Variants in TNPO3 observed in about 807,000 individuals in gnomAD.
TNPO3 encodes the protein transportin-3.
A neutral mutation model predicts 122.8 loss-of-function variants in TNPO3; 65 were observed. The observed-to-expected ratio is 0.53, with a 90% CI of 0.43 to 0.65. TNPO3 has a LOEUF of 0.65. TNPO3 is among the 30% of genes least tolerant of loss of function. The probability of loss-of-function intolerance (pLI) is 0.00; values close to 1 mark genes in which losing one functional copy is unlikely to be tolerated. For synonymous variants in TNPO3, 372 were observed against 411.2 expected (o/e 0.90, Z 1.15); for missense variants, 850 against 1,136.7 (o/e 0.75, Z 3.63).
intron 3 of TNPO3, among the ~76,000 whole-genome samples, chr7:129,016,455 G>A (rs1803872673): frequency 6.6e-6 from 1 of 152,152 alleles, no homozygotes; most frequent in South Asian, 2.1e-4. Flanking sequence ...CACTATATTG[G>A]AGGTAAAAAG....
At position 129,035,275 on chromosome 7, in the gene TNPO3, AAAC is replaced by A. The variant is rs1389393721; in HGVS notation, c.121-17121_121-17119del. On this transcript the variant is annotated intron_variant, in intron 1 of 22. Transcript: ENST00000265388. The stretch of plus-strand genomic sequence containing the variant: ...GGCGAAAGAGCGAGACTCCGTCTCA[AAAC>A]AACAACAACATATCAAGCATCTATC... Among the ~76,000 whole-genome samples the A allele has an allele frequency of 3.3e-5, 5 of 152,172 alleles. No homozygotes were observed. In the East Asian group the frequency reaches 7.7e-4, roughly 23 times the overall value.
At chr7:129,054,618 TGCG>T (rs750085936) in intron 1 of TNPO3, 30 bp downstream of exon 1, 435 of 1,611,164 alleles carry the variant, frequency 2.7e-4, no homozygotes, top group Non-Finnish European at 3.5e-4. Context: ...GCCCCGGCCG[TGCG>T]GCACAGAACT....
chr7:128,966,957 T>C (rs1797982183), intron 21 of TNPO3, among the ~76,000 whole-genome samples: 1 of 152,194 alleles, frequency 6.6e-6, no homozygotes, highest in Admixed American at 6.5e-5. Context: ...CCCCCGAATG[T>C]GGATGAAAAC....
intron 1 of TNPO3, among the ~76,000 whole-genome samples, chr7:129,025,050 C>T (rs565962409): frequency 6.6e-6 from 1 of 150,976 alleles, no homozygotes; most frequent in Non-Finnish European, 1.5e-5. Flanking sequence ...ACTCAAAATA[C>T]ATTATATAAA....
chr7:128,963,380 T>A (rs920685148), intron 21 of TNPO3, among the ~76,000 whole-genome samples: 8 of 152,184 alleles, frequency 5.3e-5, no homozygotes. Context: ...AATGGAATAA[T>A]GCAAAACAGA....
At chr7:129,010,250 T>C (rs183649525) in intron 4 of TNPO3, among the ~76,000 whole-genome samples, 7 of 152,294 alleles carry the variant, frequency 4.6e-5, no homozygotes, top group Non-Finnish European at 8.8e-5. Flanking sequence ...CACTGCCACC[T>C]TGAACTCCTG....
chr7:128,963,842 T>C (rs1053483631), intron 21 of TNPO3, among the ~76,000 whole-genome samples: 1 of 152,228 alleles, frequency 6.6e-6, no homozygotes, highest in Non-Finnish European at 1.5e-5. Flanking sequence ...TTCCCTTCTA[T>C]ATCTGATTTT....
intron 1 of TNPO3, among the ~76,000 whole-genome samples, chr7:129,032,423 A>G (rs1209581866): frequency 2.0e-5 from 3 of 152,220 alleles, no homozygotes; most frequent in African/African-American, 4.8e-5. Flanking sequence ...CTCTGGTCAC[A>G]TATAATGTAA....
intron 7 of TNPO3, among the ~76,000 whole-genome samples, chr7:129,000,149 T>C (rs1801775764): frequency 6.6e-6 from 1 of 152,080 alleles, no homozygotes; most frequent in African/African-American, 2.4e-5. Flanking sequence ...AGAGAATAAG[T>C]CAAGCTAGAC....
rs779446124 is a variant in TNPO3 at position 129,000,548 on chromosome 7, T to C, written c.892A>G (p.Ile298Val). Residue 298 changes from isoleucine to valine, a missense_variant, in exon 7 of 23, where the codon ATT (isoleucine) becomes GTT (valine). By Grantham distance (29) the Ile-to-Val change is conservative. Coordinates refer to ENST00000265388, the MANE Select transcript of TNPO3 (RefSeq NM_012470.4). ...DLDKVLNYCR[I>V]FTELCETFLE... ...AAAGTTTCACATAGTTCAGTGAAAATACGGCAGTAATTCAGAACTCTGTAG... is the reference window on the plus strand; with the variant it reads ...AAAGTTTCACATAGTTCAGTGAAAACACGGCAGTAATTCAGAACTCTGTAG... The C allele has an allele frequency of 2.5e-6, 4 of 1,613,890 alleles. No individual in the cohort carries two copies. The highest frequency in any genetic ancestry group is 8.5e-7 in the Non-Finnish European group (1 of 1,179,910).
intron 1 of TNPO3, among the ~76,000 whole-genome samples, chr7:129,019,358 G>A (rs1246872659): frequency 6.6e-6 from 1 of 152,184 alleles, no homozygotes; most frequent in East Asian, 1.9e-4. Context: ...ATTGTAAAGA[G>A]AAGGGGTCAA....
In TNPO3 at chr7:128,972,552, C is replaced by T. The variant is rs1798597757; in HGVS notation, c.2304G>A (p.Leu768=). 6.2e-7 allele frequency: 1 copy of T among 1,614,014 alleles called. No individual in the cohort carries two copies. The highest frequency in any genetic ancestry group is 8.5e-7 in the Non-Finnish European group (1 of 1,179,998). The stretch of plus-strand genomic sequence containing the variant: ...AGATAGGGATGACCACTTGGCTCCG[C>T]AGCAAGGTGACAGGGCTACGCTGAA... The part of the protein sequence containing the change: ...RFIQRSPVTL[L]RSQVVIPILQ... The change falls in exon 19 of 23, where the codon CTG becomes CTA. Residue 768 remains leucine (L), a synonymous_variant. Coordinates refer to ENST00000265388, the MANE Select transcript of TNPO3 (RefSeq NM_012470.4).
intron 1 of TNPO3, among the ~76,000 whole-genome samples, chr7:129,039,102 T>A (rs1346898103): frequency 6.6e-6 from 1 of 152,022 alleles, no homozygotes; most frequent in Non-Finnish European, 1.5e-5. Flanking sequence ...AAAACCACAA[T>A]GAGATATCAC....
At chr7:129,011,519 T>C (rs1803195534) in intron 4 of TNPO3, among the ~76,000 whole-genome samples, 1 of 151,456 alleles carries the variant, frequency 6.6e-6, no homozygotes, top group African/African-American at 2.4e-5. Flanking sequence ...AATTTTTGTG[T>C]TTTTAGTAGA....
intron 9 of TNPO3, among the ~76,000 whole-genome samples, chr7:128,992,495 G>C (rs1197292313): frequency 1.3e-5 from 2 of 152,010 alleles, no homozygotes; most frequent in Non-Finnish European, 2.9e-5. Flanking sequence ...CTACTTGTCT[G>C]CATCAACACT....
At chr7:128,957,824 T>C (rs1365025184) in intron 21 of TNPO3, among the ~76,000 whole-genome samples, 1 of 152,098 alleles carries the variant, frequency 6.6e-6, no homozygotes, top group Non-Finnish European at 1.5e-5. Context: ...AGCAACTAAG[T>C]CTCCACCAGT....
At chr7:129,037,595 C>G (rs1806842302) in intron 1 of TNPO3, among the ~76,000 whole-genome samples, 1 of 152,094 alleles carries the variant, frequency 6.6e-6, no homozygotes, top group Non-Finnish European at 1.5e-5. Context: ...GGGGGTAGGG[C>G]AGAAGACCAC....
intron 1 of TNPO3, among the ~76,000 whole-genome samples, chr7:129,052,416 C>T (rs1043959299): frequency 2.0e-5 from 3 of 152,186 alleles, no homozygotes; most frequent in Non-Finnish European, 2.9e-5. Flanking sequence ...CTATAGGTTA[C>T]CAAACTATTT....
intron 1 of TNPO3, among the ~76,000 whole-genome samples, chr7:129,023,650 A>G (rs1397623813): frequency 2.6e-5 from 4 of 152,206 alleles, no homozygotes; most frequent in African/African-American, 9.6e-5. Context: ...ACAATTTAGG[A>G]TTCAGCAAGG....
Sources: allele counts gnomAD v4.1 joint callset (sites outside exome capture counted in the v4.1 genomes callset), GRCh38; gene constraint gnomAD v4.1.1; transcripts MANE v1.5; gene names NCBI Gene and HGNC (gene_info 2026-07-23, HGNC 2026-07-21).